Variants in GRPEL2 observed in about 807,000 individuals in gnomAD.
GRPEL2 encodes GrpE like 2, mitochondrial, also known as grpE protein homolog 2, mitochondrial.
GRPEL2 carries 18 observed loss-of-function variants against 25.9 expected under a neutral mutation model. The observed-to-expected ratio is 0.70, with a 90% CI of 0.48 to 1.03. GRPEL2 has a LOEUF of 1.03. GRPEL2 is among the 50% of genes least tolerant of loss of function. GRPEL2 has a pLI of 0.00. For missense variants in GRPEL2, 247 were observed against 276.2 expected, an observed-to-expected ratio of 0.89 and a Z score of 0.75; for synonymous variants, 106 against 107.9, an observed-to-expected ratio of 0.98 and a Z score of 0.11.
At position 149,351,230 on chromosome 5, in the gene GRPEL2, C is replaced by T. The variant is rs1174467836; in HGVS notation, c.626C>T (p.Thr209Ile). The T allele has an allele frequency of 6.2e-7, 1 of 1,613,250 alleles. No individual in the cohort carries two copies. The highest frequency in any genetic ancestry group is 8.5e-7 in the Non-Finnish European group (1 of 1,179,370). The change falls in exon 4 of 4, where the codon ACC (threonine) becomes ATC (isoleucine). Residue 209 changes from threonine to isoleucine, a missense_variant. By Grantham distance (89) the Thr-to-Ile change is moderately conservative. Coordinates refer to ENST00000329271, the MANE Select transcript of GRPEL2 (RefSeq NM_152407.4). The part of the protein sequence containing the change: ...RQDGYKLHGR[T>I]IRLARVEVAV... ...GATGGCTACAAACTTCATGGCCGCA[C>T]CATTAGGCTTGCCCGAGTGGAAGTG...
rs759491517 is a variant in GRPEL2 at position 149,349,634 on chromosome 5, A to C, written c.232-20A>C. 3.9e-6 allele frequency: 6 copies of C among 1,534,676 alleles called. No homozygotes were observed. Among genetic ancestry groups the C allele is most frequent in the Non-Finnish European group, 4.4e-6 (5 of 1,129,064 alleles). On this transcript the variant is annotated intron_variant, in intron 2 of 3. Coordinates refer to ENST00000329271, the MANE Select transcript of GRPEL2 (RefSeq NM_152407.4). ...AAGTATTTGTTTTCTCATCCTTTTGATTTTGCTTTTGATATTCAGGTGAGA... is the reference window on the plus strand; with the variant it reads ...AAGTATTTGTTTTCTCATCCTTTTGCTTTTGCTTTTGATATTCAGGTGAGA...
intron 1 of GRPEL2, chr5:149,345,943 T>C (rs1340985015): frequency 2.8e-6 from 1 of 358,054 alleles, no homozygotes; most frequent in Non-Finnish European, 5.2e-6. Context: ...GTGGGTAAAT[T>C]TGGGTTCTCT....
Position 149,349,819 on chromosome 5 carries a change from G to T in GRPEL2, c.313+84G>T, listed in dbSNP as rs528422476. 3.1e-6 allele frequency: 3 copies of T among 958,078 alleles called. No homozygotes were observed. In the South Asian group the frequency reaches 4.1e-5, roughly 13 times the overall value. 59.3% of individuals were successfully genotyped at this position (958,078 alleles called of 1,614,324 possible). ...AATCCCAGCACTTTGAGAGTCTAAG[G>T]CTGTCAGATCACATGAGATCAGGAT... On this transcript the variant is annotated intron_variant, in intron 3 of 3. Transcript: ENST00000329271.
In GRPEL2 at chr5:149,347,633, A is replaced by G. The variant is rs145393625; in HGVS notation, c.78-639A>G. On this transcript the variant is annotated intron_variant, in intron 1 of 3. Coordinates refer to ENST00000329271, the MANE Select transcript of GRPEL2 (RefSeq NM_152407.4). ...CAAAGATCTATTTTCACCTGTGTCT[A>G]TTCACCGGCAGTAACATATAGTATT... Among the ~76,000 whole-genome samples, 72 of 152,366 alleles carry G rather than the reference A, an allele frequency of 4.7e-4. No individual in the cohort carries two copies. The East Asian group carries it at 7.3e-3, about 15-fold the overall frequency.
chr5:149,348,132 G>T, intron 1 of GRPEL2, 140 bp from the exon 2 acceptor site: 1 of 692,058 alleles, frequency 1.4e-6, no homozygotes. Flanking sequence ...TAAGGACTTC[G>T]TAAGTGTTCA....
At chr5:149,345,670 G>A in intron 1 of GRPEL2, 54 bp downstream of exon 1, 5 of 1,458,092 alleles carry the variant, frequency 3.4e-6, no homozygotes, top group Non-Finnish European at 4.7e-6. Flanking sequence ...GGGCTAGCGA[G>A]CCAGCCGGGG....
Position 149,353,645 on chromosome 5 carries a change from C to A in GRPEL2, c.*2363C>A, listed in dbSNP as rs1757811882. The A allele has an allele frequency of 6.7e-6, 1 of 149,900 alleles. No individual in the cohort carries two copies. Among genetic ancestry groups the A allele is most frequent in the African/African-American group, 2.5e-5 (1 of 40,662 alleles). The allele number at this position is 149,900 out of a possible 1,614,324, so 9.3% of individuals were successfully genotyped here. ...TACAGGCGGGGTCTCACTATATTGT[C>A]CAGGCTAGAAGAATTTTCTAATGGT... On this transcript the variant is annotated 3_prime_UTR_variant, in exon 4 of 4. Transcript: ENST00000329271.
chr5:149,350,740 T>C (rs1303653275), intron 3 of GRPEL2, among the ~76,000 whole-genome samples, 178 bp from the exon 4 acceptor site: 1 of 152,234 alleles, frequency 6.6e-6, no homozygotes, highest in African/African-American at 2.4e-5. Flanking sequence ...AGAGAGACAC[T>C]GACTTGTCAG....
At chr5:149,347,068 T>C (rs546028160) in intron 1 of GRPEL2, among the ~76,000 whole-genome samples, 6 of 149,488 alleles carry the variant, frequency 4.0e-5, no homozygotes, top group Non-Finnish European at 7.4e-5. Flanking sequence ...ATAAATGTGG[T>C]TTTTTTAGGG....
intron 1 of GRPEL2, among the ~76,000 whole-genome samples, chr5:149,347,363 T>G (rs1026499688): frequency 6.6e-6 from 1 of 152,200 alleles, no homozygotes; most frequent in Admixed American, 6.5e-5. Flanking sequence ...TGCCAGTCCA[T>G]AAAAATTGTT....
chr5:149,350,370 C>T (rs1405020013), intron 3 of GRPEL2, among the ~76,000 whole-genome samples: 1 of 152,258 alleles, frequency 6.6e-6, no homozygotes, highest in Admixed American at 6.5e-5. Context: ...TCATAGCCAA[C>T]TTACCTCATC....
intron 1 of GRPEL2, among the ~76,000 whole-genome samples, chr5:149,346,715 A>ATTTTTTTTTTTTTTTTTTTTTTTTTTTT (rs34300270): frequency 1.7e-5 from 1 of 59,272 alleles, no homozygotes; most frequent in Non-Finnish European, 2.9e-5. Flanking sequence ...GGCCCTGAGA[A>ATTTTTTTTTTTTTTTTTTTTTTTTTTTT]TTTTTTTTTT....
intron 1 of GRPEL2, among the ~76,000 whole-genome samples, chr5:149,346,185 A>C (rs1328606012): frequency 1.3e-5 from 2 of 152,184 alleles, no homozygotes; most frequent in Non-Finnish European, 2.9e-5. Context: ...TGAGGTTTAG[A>C]AAAGTTGAGT....
rs1429862151 is a variant in GRPEL2 at position 149,345,726 on chromosome 5, G to C, written c.77+110G>C. 2.4e-5 allele frequency: 21 copies of C among 885,732 alleles called. No homozygotes were observed. The East Asian group carries it at 5.6e-4, about 23-fold the overall frequency. 54.9% of individuals were successfully genotyped at this position (885,732 alleles called of 1,614,324 possible). Reference sequence around the variant, plus strand: ...AGAGCTATCTGAGCGTAGGCCAGGGGACCAAGCTTCTCGGCCTCTACGACC... The same window carrying C: ...AGAGCTATCTGAGCGTAGGCCAGGGCACCAAGCTTCTCGGCCTCTACGACC... On this transcript the variant is annotated intron_variant, in intron 1 of 3. Transcript: ENST00000329271.
In GRPEL2 at chr5:149,349,709, G is replaced by A. The variant is rs780067271; in HGVS notation, c.287G>A (p.Arg96Lys). 1 of 1,613,602 alleles carries A rather than the reference G, an allele frequency of 6.2e-7. No homozygotes were observed. Among genetic ancestry groups the A allele is most frequent in the South Asian group, 1.1e-5 (1 of 91,064 alleles). ...DCENIRRRTQ[R>K]CVEDAKIFGI... ...GAAAACATAAGGAGGCGAACCCAGA[G>A]ATGTGTGGAAGACGCCAAGATATTT... Residue 96 changes from arginine to lysine, a missense_variant, in exon 3 of 4, where the codon AGA (arginine) becomes AAA (lysine). By Grantham distance (26) the Arg-to-Lys change is conservative. Coordinates refer to ENST00000329271, the MANE Select transcript of GRPEL2 (RefSeq NM_152407.4).
At position 149,348,386 on chromosome 5, in the gene GRPEL2, A is replaced by G. The variant is rs893588782; in HGVS notation, c.192A>G (p.Val64=). 4 of 1,611,966 alleles carry G rather than the reference A, an allele frequency of 2.5e-6. No individual in the cohort carries two copies. The African/African-American group carries it at 5.3e-5, about 22-fold the overall frequency. The part of the protein sequence containing the change: ...GPPLAERALR[V]KAVKLEKEVQ... ...CTCTTGCTGAACGAGCCTTAAGGGT[A>G]AAAGCTGTTAAACTGGAGAAAGAAG... Residue 64 remains valine (V), a synonymous_variant, in exon 2 of 4, where the codon GTA becomes GTG. Coordinates refer to ENST00000329271, the MANE Select transcript of GRPEL2 (RefSeq NM_152407.4).
At position 149,351,322 on chromosome 5, in the gene GRPEL2, C is replaced by A; in HGVS notation, c.*40C>A. The A allele has an allele frequency of 2.6e-6, 4 of 1,559,458 alleles. No individual in the cohort carries two copies. Among genetic ancestry groups the A allele is most frequent in the South Asian group, 1.2e-5 (1 of 83,894 alleles). On this transcript the variant is annotated 3_prime_UTR_variant, in exon 4 of 4. Transcript: ENST00000329271. The stretch of plus-strand genomic sequence containing the variant: ...ACTGGATGTTCTCCCAGAGCGCAGT[C>A]ACCTATGTTTCTTTTATTTATTAAA...
chr5:149,351,575 T>C lies in GRPEL2; in HGVS notation c.*293T>C. 3.7e-6 allele frequency: 1 copy of C among 270,554 alleles called. No homozygotes were observed. The highest frequency in any genetic ancestry group is 6.0e-5 in the South Asian group (1 of 16,550). The allele number at this position is 270,554 out of a possible 1,614,324, so 16.8% of individuals were successfully genotyped here. ...TTTGAATCCAAAATCCTTTTAACTA[T>C]GGGTTTTCAACTACATGTTTCTTCC... is the stretch of plus-strand genomic sequence containing the variant. On this transcript the variant is annotated 3_prime_UTR_variant, in exon 4 of 4. Coordinates refer to ENST00000329271, the MANE Select transcript of GRPEL2 (RefSeq NM_152407.4).
chr5:149,345,862 G>A (rs1015597069), intron 1 of GRPEL2: 8 of 556,416 alleles, frequency 1.4e-5, no homozygotes, highest in Admixed American at 3.3e-5. Context: ...CCTGGAAGGT[G>A]AGAAGTCTCT....
Sources: gnomAD v4.1 joint callset for allele counts (sites outside exome capture counted in the v4.1 genomes callset) on GRCh38, gnomAD v4.1.1 for gene constraint, MANE v1.5 for transcripts, NCBI Gene and HGNC (gene_info 2026-07-23, HGNC 2026-07-21) for gene names.